Variants in CTBS observed in about 807,000 individuals in gnomAD.
CTBS encodes the protein di-N-acetylchitobiase.
CTBS carries 35 observed loss-of-function variants against 44.3 expected under a neutral mutation model. The observed-to-expected ratio is 0.79, with a 90% confidence interval of 0.60 to 1.05. CTBS has a LOEUF of 1.05. CTBS is among the 50% of genes least tolerant of loss of function. The probability of loss-of-function intolerance (pLI) is 0.00; values close to 1 mark genes in which losing one functional copy is unlikely to be tolerated. For synonymous variants in CTBS, 143 were observed against 168.0 expected, an observed-to-expected ratio of 0.85 and a Z score of 1.15; for missense variants, 458 against 475.3, an observed-to-expected ratio of 0.96 and a Z score of 0.34.
rs1161300818 is a variant in CTBS, at chr1:84,554,990, A to C, written c.*9T>G. 1.2e-6 allele frequency: 2 copies of C among 1,610,138 alleles called. No homozygotes were observed. Among genetic ancestry groups the C allele is most frequent in the Non-Finnish European group, 1.7e-6 (2 of 1,177,100 alleles). On this transcript the variant is annotated 3_prime_UTR_variant, in exon 7 of 7. Transcript: ENST00000370630. ...TCTTTCTAACTCTTAATGGTTTGACAAAAGATGTTCATCTCTGTAACAGCT... is the reference window on the plus strand; with the variant it reads ...TCTTTCTAACTCTTAATGGTTTGACCAAAGATGTTCATCTCTGTAACAGCT...
intron 1 of CTBS, among the ~76,000 whole-genome samples, chr1:84,571,376 G>A (rs959746974): frequency 5.9e-5 from 9 of 152,320 alleles, no homozygotes; most frequent in Middle Eastern, 6.8e-3. Context: ...AATCAAAGGA[G>A]AGAAGTCTGA....
At chr1:84,564,853 A>G (rs145351051) in intron 4 of CTBS, among the ~76,000 whole-genome samples, 2 of 152,100 alleles carry the variant, frequency 1.3e-5, no homozygotes, top group African/African-American at 2.4e-5. Flanking sequence ...GCAACATAGT[A>G]TGACTCCATC....
At chr1:84,571,546 A>G (rs1170111815) in intron 1 of CTBS, among the ~76,000 whole-genome samples, 1 of 152,224 alleles carries the variant, frequency 6.6e-6, no homozygotes, top group African/African-American at 2.4e-5. Flanking sequence ...TTAATTCAAG[A>G]AGCACAGAAG....
intron 1 of CTBS, among the ~76,000 whole-genome samples, chr1:84,572,923 C>A (rs781439279): frequency 1.1e-4 from 16 of 152,218 alleles, no homozygotes; most frequent in Admixed American, 7.8e-4. Flanking sequence ...AAGTGATCCA[C>A]CCACCTTGGC....
intron 6 of CTBS, among the ~76,000 whole-genome samples, chr1:84,559,262 C>T (rs1684538677): frequency 3.9e-5 from 6 of 152,146 alleles, no homozygotes; most frequent in Admixed American, 3.9e-4. Context: ...GATCTGCAAT[C>T]AGTGGTCTTT....
chr1:84,569,916 T>C lies in CTBS; in HGVS notation c.525+15A>G. 6.2e-7 allele frequency: 1 copy of C among 1,604,210 alleles called. No individual in the cohort carries two copies. Among genetic ancestry groups the C allele is most frequent in the Non-Finnish European group, 8.5e-7 (1 of 1,175,490 alleles). ...TGGAAAATATGAGGTTTCCAAAAAA[T>C]AAATGAGTTTTTACCTGTGATCCCT... On this transcript the variant is annotated intron_variant, in intron 3 of 6. Coordinates refer to ENST00000370630, the MANE Select transcript of CTBS (RefSeq NM_004388.3).
chr1:84,550,063 T>G lies in CTBS; in HGVS notation c.*4936A>C, dbSNP rs1684223941. ...AGGTTTTCTTGTATTAAATTAGTTT[T>G]TGCATATAAAATATAGTATCATATT... On this transcript the variant is annotated 3_prime_UTR_variant, in exon 7 of 7. Transcript: ENST00000370630. The G allele has an allele frequency of 6.6e-6, 1 of 152,404 alleles. No homozygotes were observed. 9.4% of individuals were successfully genotyped at this position (152,404 alleles called of 1,614,324 possible). A position where few individuals can be genotyped will look rare whatever the true frequency, so the allele number is the denominator to read the frequency against.
chr1:84,550,207 G>T lies in CTBS; in HGVS notation c.*4792C>A. On this transcript the variant is annotated 3_prime_UTR_variant, in exon 7 of 7. Transcript: ENST00000370630. ...CATAGTAATAGTTGTTGGTTTTTACGATGCTAATTTAATGGTAACTTTAGA... is the reference window on the plus strand; with the variant it reads ...CATAGTAATAGTTGTTGGTTTTTACTATGCTAATTTAATGGTAACTTTAGA... The T allele has an allele frequency of 3.3e-6, 1 of 300,200 alleles. No homozygotes were observed. The highest frequency in any genetic ancestry group is 6.2e-6 in the Non-Finnish European group (1 of 162,076). The allele number at this position is 300,200 out of a possible 1,614,324, so 18.6% of individuals were successfully genotyped here. A position where few individuals can be genotyped will look rare whatever the true frequency, so the allele number is the denominator to read the frequency against.
intron 6 of CTBS, among the ~76,000 whole-genome samples, chr1:84,559,905 T>C (rs1342068154): frequency 6.6e-6 from 1 of 151,460 alleles, no homozygotes; most frequent in Non-Finnish European, 1.5e-5. Context: ...GCCTACATAG[T>C]GAAACCCCAT....
At position 84,550,586 on chromosome 1, in the gene CTBS, T is replaced by C; in HGVS notation, c.*4413A>G. 1 of 1,434,206 alleles carries C rather than the reference T, an allele frequency of 7.0e-7. No homozygotes were observed. The allele number at this position is 1,434,206 out of a possible 1,614,324, so 88.8% of individuals were successfully genotyped here. A position where few individuals can be genotyped will look rare whatever the true frequency, so the allele number is the denominator to read the frequency against. On this transcript the variant is annotated 3_prime_UTR_variant, in exon 7 of 7. Coordinates refer to ENST00000370630, the MANE Select transcript of CTBS (RefSeq NM_004388.3). The stretch of plus-strand genomic sequence containing the variant: ...ATAACATTTATCTTGAAATAAAATA[T>C]TTTGGTGTTTTAACTTTGGGTGTCA...
Position 84,554,869 on chromosome 1 carries a change from A to T in CTBS, c.*130T>A. The T allele has an allele frequency of 1.4e-6, 1 of 727,886 alleles. No individual in the cohort carries two copies. The highest frequency in any genetic ancestry group is 2.2e-6 in the Non-Finnish European group (1 of 460,394). 45.1% of individuals were successfully genotyped at this position (727,886 alleles called of 1,614,324 possible). On this transcript the variant is annotated 3_prime_UTR_variant, in exon 7 of 7. Transcript: ENST00000370630. ...TGTATTTTTCAAATTCAAACAATCA[A>T]AACATTTATTTATTCTTTTTTTTTA...
intron 3 of CTBS, among the ~76,000 whole-genome samples, chr1:84,567,991 T>C (rs1428786782): frequency 6.6e-6 from 1 of 152,188 alleles, no homozygotes; most frequent in African/African-American, 2.4e-5. Flanking sequence ...CCCCAAACAC[T>C]ATTTTACACA....
intron 1 of CTBS, among the ~76,000 whole-genome samples, chr1:84,572,272 TCTG>T (rs943890622): frequency 2.0e-5 from 3 of 152,154 alleles, no homozygotes; most frequent in Admixed American, 6.5e-5. Context: ...ACTCATTTTT[TCTG>T]CTAAGCAATT....
chr1:84,553,720 G>A lies in CTBS; in HGVS notation c.*1279C>T, dbSNP rs1168077975. 1 of 152,070 alleles carries A rather than the reference G, an allele frequency of 6.6e-6. No individual in the cohort carries two copies. Among genetic ancestry groups the A allele is most frequent in the Non-Finnish European group, 1.5e-5 (1 of 68,006 alleles). The allele number at this position is 152,070 out of a possible 1,614,324, so 9.4% of individuals were successfully genotyped here. ...TCTGTCACAAACAATTGTGTAAATAGGAAATGTAATATTCTCATAACAGAT... is the reference window on the plus strand; with the variant it reads ...TCTGTCACAAACAATTGTGTAAATAAGAAATGTAATATTCTCATAACAGAT... On this transcript the variant is annotated 3_prime_UTR_variant, in exon 7 of 7. Coordinates refer to ENST00000370630, the MANE Select transcript of CTBS (RefSeq NM_004388.3).
intron 2 of CTBS, 96 bp from the exon 3 acceptor site, chr1:84,570,235 G>C: frequency 2.1e-6 from 2 of 936,050 alleles, no homozygotes; most frequent in Non-Finnish European, 3.3e-6. Context: ...AATGGAGAAA[G>C]AATATACCAA....
intron 6 of CTBS, among the ~76,000 whole-genome samples, chr1:84,556,465 C>G (rs1684433014): frequency 1.3e-5 from 2 of 152,194 alleles, no homozygotes; most frequent in Admixed American, 6.5e-5. Context: ...GTAATACCAG[C>G]ACTTTGGGAG....
At position 84,563,436 on chromosome 1, in the gene CTBS, C is replaced by A; in HGVS notation, c.796-18G>T. 6.8e-7 allele frequency: 1 copy of A among 1,463,642 alleles called. No homozygotes were observed. The highest frequency in any genetic ancestry group is 2.6e-5 in the Admixed American group (1 of 39,106). The allele number at this position is 1,463,642 out of a possible 1,614,324, so 90.7% of individuals were successfully genotyped here. A position where few individuals can be genotyped will look rare whatever the true frequency, so the allele number is the denominator to read the frequency against. On this transcript the variant is annotated intron_variant, in intron 5 of 6. Transcript: ENST00000370630. ...ACATGATCCTAGAAATGCAAAAGTG[C>A]TCATGTTATATATTATCAATTATGC...
At chr1:84,558,005 T>C (rs1684498361) in intron 6 of CTBS, among the ~76,000 whole-genome samples, 1 of 152,070 alleles carries the variant, frequency 6.6e-6, no homozygotes, top group Admixed American at 6.5e-5. Context: ...AAAAGGTGGT[T>C]ACCAGAGGCT....
chr1:84,557,423 C>G (rs1684467473), intron 6 of CTBS, among the ~76,000 whole-genome samples: 1 of 150,944 alleles, frequency 6.6e-6, no homozygotes, highest in African/African-American at 2.4e-5. Context: ...ATCCCAGCTA[C>G]TCAGGACGCT....
Sources: gnomAD v4.1 joint callset for allele counts (sites outside exome capture counted in the v4.1 genomes callset) on GRCh38, gnomAD v4.1.1 for gene constraint, MANE v1.5 for transcripts, NCBI Gene and HGNC (gene_info 2026-07-23, HGNC 2026-07-21) for gene names.